The following ABCD3 variants were observed in gnomAD, a reference collection of about 807,000 sequenced individuals.
The protein encoded by ABCD3 is ATP-binding cassette sub-family D member 3.
Under a neutral mutation model 105.5 loss-of-function variants are expected in ABCD3, and 41 were observed. That is an observed-to-expected ratio of 0.39 (90% CI 0.30 to 0.50). The LOEUF (loss-of-function observed/expected upper bound fraction) is 0.50, where lower values mean the gene tolerates loss of function less well. Among genes scored for constraint, ABCD3 ranks in the 20% least tolerant of loss-of-function variants. The pLI is 0.84. For missense variants in ABCD3, 622 were observed against 806.3 expected, an observed-to-expected ratio of 0.77 and a Z score of 2.77; for synonymous variants, 258 against 269.0, an observed-to-expected ratio of 0.96 and a Z score of 0.40.
At chr1:94,484,093 C>CT (rs1292328453) in intron 10 of ABCD3, among the ~76,000 whole-genome samples, 1 of 152,210 alleles carries the variant, frequency 6.6e-6, no homozygotes, top group Non-Finnish European at 1.5e-5. Flanking sequence ...CAGTGAGACA[C>CT]TATCTCACAC....
the ABCD3 span, among the ~76,000 whole-genome samples, chr1:94,410,172 C>T: frequency 6.6e-6 from 1 of 152,168 alleles, no homozygotes; most frequent in Admixed American, 6.5e-5. Context: ...AAATATAAAA[C>T]TAATGCATGT....
the ABCD3 span, among the ~76,000 whole-genome samples, chr1:94,396,935 G>A: frequency 6.6e-6 from 1 of 152,014 alleles, no homozygotes; most frequent in African/African-American, 2.4e-5. Context: ...CTGTGATGTT[G>A]TATTTCAAGA....
chr1:94,484,788 A>G (rs1037651007), intron 10 of ABCD3, among the ~76,000 whole-genome samples: 4 of 152,192 alleles, frequency 2.6e-5, no homozygotes, highest in African/African-American at 9.6e-5. Flanking sequence ...AGTATAATCA[A>G]AAACATAAAA....
the ABCD3 span, among the ~76,000 whole-genome samples, chr1:94,387,918 C>A: frequency 6.6e-6 from 1 of 152,040 alleles, no homozygotes; most frequent in African/African-American, 2.4e-5. Flanking sequence ...ACCCAAGGTG[C>A]TTTCTGTTTT....
chr1:94,392,462 T>G, the ABCD3 span, among the ~76,000 whole-genome samples: 1 of 152,232 alleles, frequency 6.6e-6, no homozygotes, highest in Non-Finnish European at 1.5e-5. Flanking sequence ...TGTTTATTAC[T>G]GCAGCACAGC....
At chr1:94,516,435 C>G (rs1186731489) in intron 22 of ABCD3, among the ~76,000 whole-genome samples, 3 of 151,708 alleles carry the variant, frequency 2.0e-5, no homozygotes, top group South Asian at 2.1e-4. Context: ...TATAGCCAAG[C>G]CTTTATGTTT....
intron 20 of ABCD3, among the ~76,000 whole-genome samples, chr1:94,501,763 T>A (rs1650108257): frequency 6.6e-6 from 1 of 152,230 alleles, no homozygotes; most frequent in Non-Finnish European, 1.5e-5. Context: ...TGAAAAAGTA[T>A]ATATGATGGA....
intron 20 of ABCD3, among the ~76,000 whole-genome samples, chr1:94,505,371 ATTTTTT>A (rs71097204): frequency 1.7e-5 from 2 of 118,886 alleles, no homozygotes; most frequent in Non-Finnish European, 3.5e-5. Context: ...TGCTTGGCTA[ATTTTTT>A]TTTTTTTTTT....
chr1:94,393,333 G>A, the ABCD3 span, among the ~76,000 whole-genome samples: 1 of 151,652 alleles, frequency 6.6e-6, no homozygotes, highest in Non-Finnish European at 1.5e-5. Flanking sequence ...AGGAAGATCC[G>A]AAAGAGATTG....
the ABCD3 span, among the ~76,000 whole-genome samples, chr1:94,399,620 T>A: frequency 6.6e-6 from 1 of 152,260 alleles, no homozygotes; most frequent in South Asian, 2.1e-4. Flanking sequence ...TCCATTGTTC[T>A]TTCTACTTCC....
At chr1:94,439,760 T>C (rs1337635249) in intron 1 of ABCD3, among the ~76,000 whole-genome samples, 1 of 152,260 alleles carries the variant, frequency 6.6e-6, no homozygotes, top group African/African-American at 2.4e-5. Flanking sequence ...ATATTCAATT[T>C]TGAAATTATT....
chr1:94,488,818 ACTCT>A (rs35741156), intron 13 of ABCD3, among the ~76,000 whole-genome samples: 6 of 146,386 alleles, frequency 4.1e-5, no homozygotes, highest in African/African-American at 1.3e-4. Context: ...GTTTCCTTTC[ACTCT>A]CTCTCTCTCT....
Position 94,418,523 on chromosome 1 carries a change from G to C in ABCD3, c.45G>C (p.Leu15=). The change falls in exon 1 of 23, where the codon CTG becomes CTC. Residue 15 remains leucine, a synonymous_variant. Coordinates refer to ENST00000370214, the MANE Select transcript of ABCD3 (RefSeq NM_002858.4). ...ACTTGACGGCGCGAAACTCCTCGCT[G>C]GCTGGTGCCGCGTTCCTGCTGCTCT... is the stretch of plus-strand genomic sequence containing the variant. ...SKYLTARNSS[L]AGAAFLLLCL... The C allele has an allele frequency of 6.2e-7, 1 of 1,605,786 alleles. No homozygotes were observed. Among genetic ancestry groups the C allele is most frequent in the Non-Finnish European group, 8.5e-7 (1 of 1,179,282 alleles).
the ABCD3 span, among the ~76,000 whole-genome samples, chr1:94,398,936 C>A: frequency 0.056 from 8,521 of 150,952 alleles, 288 homozygotes; most frequent in South Asian, 0.13. Context: ...AACAAACAAA[C>A]AAAAAAAACC....
chr1:94,514,929 A>G, intron 21 of ABCD3: 1 of 530,548 alleles, frequency 1.9e-6, no homozygotes, highest in Non-Finnish European at 3.4e-6. Context: ...AAAATAATAC[A>G]CTTAATGCCA....
At chr1:94,391,313 T>C in the ABCD3 span, among the ~76,000 whole-genome samples, 1 of 152,222 alleles carries the variant, frequency 6.6e-6, no homozygotes, top group Non-Finnish European at 1.5e-5. Flanking sequence ...ATGTAATCAC[T>C]TTTGCACCAA....
chr1:94,432,452 G>A (rs960821712), intron 1 of ABCD3: 4 of 152,198 alleles, frequency 2.6e-5, no homozygotes, highest in Non-Finnish European at 4.4e-5. Context: ...GCAAGGAGAC[G>A]AAGCTGGAGA....
In ABCD3 at chr1:94,418,397, C is replaced by T. The variant is rs897217394; in HGVS notation, c.-82C>T. On this transcript the variant is annotated 5_prime_UTR_variant, in exon 1 of 23. Transcript: ENST00000370214. Reference sequence around the variant, plus strand: ...CCGCCCTCTGCTCTCCTCCCAGTCTCCCCCGCGCTGCGTGCAGTAAGGTAG... The same window carrying T: ...CCGCCCTCTGCTCTCCTCCCAGTCTTCCCCGCGCTGCGTGCAGTAAGGTAG... 2.2e-5 allele frequency: 27 copies of T among 1,250,290 alleles called. No individual in the cohort carries two copies. Among genetic ancestry groups the T allele is most frequent in the Non-Finnish European group, 2.9e-5 (26 of 888,754 alleles). 77.4% of individuals were successfully genotyped at this position (1,250,290 alleles called of 1,614,324 possible).
At chr1:94,450,549 A>G (rs1220293766) in intron 1 of ABCD3, among the ~76,000 whole-genome samples, 3 of 152,258 alleles carry the variant, frequency 2.0e-5, no homozygotes, top group Non-Finnish European at 2.9e-5. Flanking sequence ...GCTGCAGATA[A>G]CTAGCCAGAC....
Sources: gnomAD v4.1 joint callset for allele counts (sites outside exome capture counted in the v4.1 genomes callset) on GRCh38, gnomAD v4.1.1 for gene constraint, MANE v1.5 for transcripts, NCBI Gene and HGNC (gene_info 2026-07-23, HGNC 2026-07-21) for gene names.